Variants in EML6 observed in about 807,000 individuals in gnomAD.
EML6 encodes the protein echinoderm microtubule-associated protein-like 6.
EML6 carries 154 observed loss-of-function variants against 240.1 expected under a neutral mutation model. That is an observed-to-expected ratio of 0.64 (90% CI 0.56 to 0.73). EML6 has a LOEUF of 0.73. Among genes scored for constraint, EML6 ranks in the 30% least tolerant of loss-of-function variants. The pLI, the probability that EML6 is intolerant of heterozygous loss-of-function variation, is 0.00. For synonymous variants in EML6, 1,148 were observed against 899.0 expected (o/e 1.28, Z -4.95); for missense variants, 2,964 against 2,474.6 (o/e 1.20, Z -4.20).
intron 28 of EML6, among the ~76,000 whole-genome samples, chr2:54,936,804 G>C (rs1675156135): frequency 1.3e-5 from 2 of 152,120 alleles, no homozygotes; most frequent in African/African-American, 4.8e-5. Context: ...TCACTGAAAA[G>C]AGGTTTAACT....
intron 2 of EML6, among the ~76,000 whole-genome samples, chr2:54,744,947 CA>C (rs879844824): frequency 0.068 from 9,356 of 137,494 alleles, 475 homozygotes; most frequent in Middle Eastern, 0.13. Flanking sequence ...CACACACACA[CA>C]CACACACACA....
intron 22 of EML6, 126 bp downstream of exon 22, chr2:54,899,908 G>T (rs1672967301): frequency 1.1e-6 from 1 of 928,904 alleles, no homozygotes; most frequent in East Asian, 2.8e-5. Flanking sequence ...TGGGCAATGA[G>T]AATTTTATAT....
intron 2 of EML6, among the ~76,000 whole-genome samples, chr2:54,787,807 C>G (rs1052598858): frequency 2.0e-5 from 3 of 152,122 alleles, no homozygotes; most frequent in African/African-American, 7.2e-5. Flanking sequence ...GGAATTTGTT[C>G]AAGTGTCCAT....
chr2:54,858,134 G>A (rs2033413), intron 11 of EML6, among the ~76,000 whole-genome samples: 73,645 of 152,070 alleles, frequency 0.48, 19,536 homozygotes, highest in African/African-American at 0.7. Flanking sequence ...CAGAGGATTC[G>A]CTTCTTCCAA....
At chr2:54,872,201 G>A (rs2103925012) in intron 16 of EML6, among the ~76,000 whole-genome samples, 1 of 152,244 alleles carries the variant, frequency 6.6e-6, no homozygotes, top group Non-Finnish European at 1.5e-5. Context: ...TTCCTTTAGA[G>A]TGAGTGTTCT....
rs1676967685 is a variant in EML6, at chr2:54,971,033, C to CTGA, written c.*939_*941dup. On this transcript the variant is annotated 3_prime_UTR_variant, in exon 42 of 42. Transcript: ENST00000356458. Reference sequence around the variant, plus strand: ...GCTCAGGAAGGTCTATGAGAATGAGCTGACTTATCTCGTTAAATCTTAAGA... The same window carrying CTGA: ...GCTCAGGAAGGTCTATGAGAATGAGCTGATGACTTATCTCGTTAAATCTTAAGA... 6.6e-6 allele frequency: 1 copy of CTGA among 152,192 alleles called. No individual in the cohort carries two copies. The highest frequency in any genetic ancestry group is 1.5e-5 in the Non-Finnish European group (1 of 68,036). The allele number at this position is 152,192 out of a possible 1,614,324, so 9.4% of individuals were successfully genotyped here.
chr2:54,804,606 TG>T (rs1670370572), intron 2 of EML6, among the ~76,000 whole-genome samples: 1 of 152,350 alleles, frequency 6.6e-6, no homozygotes, highest in South Asian at 2.1e-4. Flanking sequence ...TGCCTTCTTG[TG>T]TCAGTTAATC....
At chr2:54,849,892 CAT>C (rs1669979308) in intron 9 of EML6, 68 bp from the exon 10 acceptor site, 1 of 1,272,672 alleles carries the variant, frequency 7.9e-7, no homozygotes, top group Non-Finnish European at 1.1e-6. Flanking sequence ...TTTTCTGACA[CAT>C]ATATTTTAAA....
At chr2:54,794,061 C>T (rs1669620810) in intron 2 of EML6, among the ~76,000 whole-genome samples, 2 of 152,190 alleles carry the variant, frequency 1.3e-5, no homozygotes, top group Admixed American at 1.3e-4. Context: ...ACTTTGCTGG[C>T]AGTGTACTAA....
intron 2 of EML6, among the ~76,000 whole-genome samples, chr2:54,754,179 G>A (rs1684303314): frequency 6.6e-6 from 1 of 150,442 alleles, no homozygotes. Context: ...ATCTTGCTAC[G>A]TTACCCAAGC....
At chr2:54,772,136 T>G (rs1668428484) in intron 2 of EML6, among the ~76,000 whole-genome samples, 1 of 152,210 alleles carries the variant, frequency 6.6e-6, no homozygotes, top group African/African-American at 2.4e-5. Context: ...ATTGTTGCAA[T>G]TTTACCAACT....
intron 28 of EML6, among the ~76,000 whole-genome samples, chr2:54,931,831 C>T (rs1204138582): frequency 2.0e-5 from 3 of 152,156 alleles, no homozygotes; most frequent in Non-Finnish European, 4.4e-5. Flanking sequence ...TCTGGTAAAT[C>T]CCCTGTCACC....
chr2:54,880,075 A>G (rs1671734100), intron 17 of EML6: 1 of 154,730 alleles, frequency 6.5e-6, no homozygotes, highest in Non-Finnish European at 1.4e-5. Flanking sequence ...CACCGTGTGC[A>G]TCTGCCACTT....
At chr2:54,799,698 A>C (rs568714327) in intron 2 of EML6, among the ~76,000 whole-genome samples, 4 of 152,196 alleles carry the variant, frequency 2.6e-5, no homozygotes, top group African/African-American at 9.6e-5. Flanking sequence ...AACAGAGACC[A>C]TATGACCATC....
chr2:54,752,548 A>T (rs1214811600), intron 2 of EML6, among the ~76,000 whole-genome samples: 1 of 152,204 alleles, frequency 6.6e-6, no homozygotes, highest in Non-Finnish European at 1.5e-5. Flanking sequence ...TGAATAATAA[A>T]ATATGTTCTC....
At chr2:54,828,416 A>G (rs1048151443) in intron 6 of EML6, among the ~76,000 whole-genome samples, 6 of 152,234 alleles carry the variant, frequency 3.9e-5, no homozygotes, top group African/African-American at 1.4e-4. Flanking sequence ...GTCCCTATAA[A>G]TGGGAAGATG....
chr2:54,748,403 C>T (rs905766018), intron 2 of EML6: 5 of 152,136 alleles, frequency 3.3e-5, no homozygotes, highest in Non-Finnish European at 7.3e-5. Context: ...TTTTCTTCTT[C>T]AGGCTAAAGG....
intron 8 of EML6, among the ~76,000 whole-genome samples, chr2:54,847,139 C>G (rs942241788): frequency 3.3e-5 from 5 of 152,022 alleles, no homozygotes; most frequent in African/African-American, 7.2e-5. Context: ...AACTCCTGGG[C>G]TCAAGTGTTC....
chr2:54,824,391 T>C (rs1339876314), intron 5 of EML6, among the ~76,000 whole-genome samples: 4 of 152,216 alleles, frequency 2.6e-5, no homozygotes, highest in Non-Finnish European at 4.4e-5. Flanking sequence ...CTTAGAAATA[T>C]AATACATTTA....
Sources: gnomAD v4.1 joint callset for allele counts (sites outside exome capture counted in the v4.1 genomes callset) on GRCh38, gnomAD v4.1.1 for gene constraint, MANE v1.5 for transcripts, NCBI Gene and HGNC (gene_info 2026-07-23, HGNC 2026-07-21) for gene names.